Variants in CPNE8 observed in about 807,000 individuals in gnomAD.
CPNE8 encodes the protein copine-8.
A neutral mutation model predicts 81.5 loss-of-function variants in CPNE8; 45 were observed. The ratio of observed to expected loss-of-function variants is 0.55; its 90% CI spans 0.44 to 0.71. The LOEUF (loss-of-function observed/expected upper bound fraction) is 0.71, where lower values mean the gene tolerates loss of function less well. CPNE8 is among the 30% of genes least tolerant of loss of function. The pLI, the probability that CPNE8 is intolerant of heterozygous loss-of-function variation, is 0.00. For synonymous variants in CPNE8, 252 were observed against 226.3 expected (o/e 1.11, Z -1.02); for missense variants, 594 against 672.1 (o/e 0.88, Z 1.28).
At chr12:38,657,667 C>T (rs1002369067) in intron 19 of CPNE8, among the ~76,000 whole-genome samples, 10 of 151,976 alleles carry the variant, frequency 6.6e-5, no homozygotes, top group African/African-American at 1.9e-4. Flanking sequence ...CCCTCTGGGA[C>T]GAAGCTTCCA....
chr12:38,881,331 A>G (rs1944155430), intron 1 of CPNE8, among the ~76,000 whole-genome samples: 1 of 152,238 alleles, frequency 6.6e-6, no homozygotes, highest in Non-Finnish European at 1.5e-5. Flanking sequence ...TAACAAGATT[A>G]TCTGGCTTTC....
chr12:38,795,902 A>AGATAGATAGATAGATAGAT (rs1565620261), intron 6 of CPNE8, among the ~76,000 whole-genome samples: 1 of 19,468 alleles, frequency 5.1e-5, no homozygotes, highest in African/African-American at 1.2e-4. Flanking sequence ...GATAGATAGA[A>AGATAGATAGATAGATAGAT]GATAGATAAT....
chr12:38,716,537 G>A (rs545190470), intron 13 of CPNE8, among the ~76,000 whole-genome samples: 5 of 151,950 alleles, frequency 3.3e-5, no homozygotes, highest in African/African-American at 1.2e-4. Context: ...ATAAAAACTG[G>A]GGAAAGAACA....
At chr12:38,833,491 T>TC (rs973258771) in intron 5 of CPNE8, among the ~76,000 whole-genome samples, 7 of 149,636 alleles carry the variant, frequency 4.7e-5, no homozygotes, top group African/African-American at 1.7e-4. Context: ...TTTTTTTTTT[T>TC]TTTTGAGACG....
chr12:38,789,291 C>T (rs1942270149), intron 6 of CPNE8, among the ~76,000 whole-genome samples: 1 of 151,348 alleles, frequency 6.6e-6, no homozygotes, highest in Admixed American at 6.6e-5. Context: ...ACCCAGAAAC[C>T]AACCTATACA....
At chr12:38,841,966 A>T in intron 4 of CPNE8, among the ~76,000 whole-genome samples, 1 of 151,848 alleles carries the variant, frequency 6.6e-6, no homozygotes, top group East Asian at 1.9e-4. Context: ...GCACACACTC[A>T]TTATGACCTG....
intron 16 of CPNE8, among the ~76,000 whole-genome samples, chr12:38,680,322 T>G (rs896361782): frequency 6.6e-6 from 1 of 152,024 alleles, no homozygotes; most frequent in Non-Finnish European, 1.5e-5. Context: ...AATTATGATT[T>G]GCAAAATGGA....
intron 10 of CPNE8, among the ~76,000 whole-genome samples, chr12:38,744,865 TTTA>T (rs1268165528): frequency 6.6e-6 from 1 of 152,170 alleles, no homozygotes; most frequent in Non-Finnish European, 1.5e-5. Context: ...TAACAGTGAT[TTTA>T]TTATTCTTTT....
chr12:38,877,203 T>G (rs901097176), intron 1 of CPNE8, among the ~76,000 whole-genome samples: 1 of 152,114 alleles, frequency 6.6e-6, no homozygotes, highest in Non-Finnish European at 1.5e-5. Context: ...ACCTACCACA[T>G]GAATATAAAG....
intron 17 of CPNE8, among the ~76,000 whole-genome samples, 186 bp downstream of exon 17, chr12:38,677,266 C>G (rs73269140): frequency 1.3e-4 from 20 of 151,808 alleles, no homozygotes; most frequent in African/African-American, 4.8e-4. Flanking sequence ...ATTAATATCC[C>G]TTAGCTTGAT....
intron 13 of CPNE8, among the ~76,000 whole-genome samples, chr12:38,721,788 G>A (rs574062748): frequency 8.2e-4 from 125 of 152,280 alleles, no homozygotes; most frequent in Middle Eastern, 6.8e-3. Context: ...TCAAGCTTTC[G>A]GGTGCCACTG....
intron 1 of CPNE8, among the ~76,000 whole-genome samples, chr12:38,904,671 A>T (rs895605582): frequency 5.3e-5 from 8 of 151,520 alleles, no homozygotes; most frequent in African/African-American, 1.9e-4. Flanking sequence ...GTTTCACCAT[A>T]TTGGCCAGGC....
At chr12:38,902,340 GAAAGAAAGAA>G (rs1944484265) in intron 1 of CPNE8, among the ~76,000 whole-genome samples, 1 of 67,074 alleles carries the variant, frequency 1.5e-5, no homozygotes, top group Non-Finnish European at 2.7e-5. Flanking sequence ...AAGAAAGAAA[GAAAGAAAGAA>G]AGAAAGAAAG....
At chr12:38,762,063 A>C in intron 9 of CPNE8, 49 bp downstream of exon 9, 1 of 992,088 alleles carries the variant, frequency 1.0e-6, no homozygotes, top group Non-Finnish European at 1.4e-6. Context: ...ATCACTGTAG[A>C]TTTTTTTAAA....
intron 10 of CPNE8, among the ~76,000 whole-genome samples, chr12:38,742,741 C>A (rs961610525): frequency 6.0e-5 from 9 of 151,152 alleles, no homozygotes; most frequent in African/African-American, 2.2e-4. Flanking sequence ...AAGAATGGCA[C>A]ATCAGAAATT....
chr12:38,882,098 G>C (rs1281006238), intron 1 of CPNE8, among the ~76,000 whole-genome samples: 1 of 152,164 alleles, frequency 6.6e-6, no homozygotes, highest in East Asian at 1.9e-4. Context: ...CTGTAAATGT[G>C]ACCTTATTTG....
chr12:38,658,542 A>G lies in CPNE8; in HGVS notation c.1507-4472T>C, dbSNP rs147508321. On this transcript the variant is annotated intron_variant, in intron 19 of 19. Coordinates refer to ENST00000331366, the MANE Select transcript of CPNE8 (RefSeq NM_153634.3). ...AAGCCAACATTCAAATTCAGGAAAT[A>G]CAGAGAACACCAAAAGGTACTCCTC... Among the ~76,000 whole-genome samples, 716 of 152,290 alleles carry G rather than the reference A, an allele frequency of 4.7e-3. 5 individuals are homozygous for G. The highest frequency in any genetic ancestry group is 0.016 in the African/African-American group (665 of 41,546).
chr12:38,785,265 T>C (rs556283992), intron 6 of CPNE8, among the ~76,000 whole-genome samples: 30 of 151,376 alleles, frequency 2.0e-4, no homozygotes, highest in Non-Finnish European at 3.5e-4. Flanking sequence ...GACTCACTGA[T>C]AGTAGCAAGT....
At chr12:38,815,142 C>G (rs1158719397) in intron 6 of CPNE8, among the ~76,000 whole-genome samples, 1 of 152,198 alleles carries the variant, frequency 6.6e-6, no homozygotes, top group Non-Finnish European at 1.5e-5. Flanking sequence ...GATCCTACTA[C>G]AGAGCCAAAC....
Sources: gnomAD v4.1 joint callset for allele counts (sites outside exome capture counted in the v4.1 genomes callset) on GRCh38, gnomAD v4.1.1 for gene constraint, MANE v1.5 for transcripts, NCBI Gene and HGNC (gene_info 2026-07-23, HGNC 2026-07-21) for gene names.